Variants in CCNL1 observed in about 807,000 individuals in gnomAD.
CCNL1 encodes cyclin L1.
Under a neutral mutation model 60.6 loss-of-function variants are expected in CCNL1, and 13 were observed. The observed-to-expected ratio is 0.21, with a 90% CI of 0.14 to 0.34. The LOEUF is 0.34. CCNL1 is among the 10% of genes least tolerant of loss of function. The pLI is 1.00. For missense variants in CCNL1, 481 were observed against 664.3 expected (o/e 0.72, Z 3.03); for synonymous variants, 270 against 244.3 (o/e 1.10, Z -0.98).
chr3:157,144,335 G>A (rs1463185828), downstream of CCNL1, among the ~76,000 whole-genome samples: 1 of 152,212 alleles, frequency 6.6e-6, no homozygotes, highest in Non-Finnish European at 1.5e-5. Flanking sequence ...CTGAATATTT[G>A]AGTGCGTTCC....
Position 157,160,014 on chromosome 3 carries a change from G to A in CCNL1, c.81C>T (p.Ser27=), listed in dbSNP as rs1447542676. ...TGGTCGTCGTCGTGGTCGTCGTCCC[G>A]GAGCTGGAGCCGCCCGCGCTTGGGG... The part of the protein sequence containing the change: ...SAAPSAGGSS[S]GTTTTTTTTT... The change falls in exon 1 of 11, where the codon TCC becomes TCT. Residue 27 remains serine (S), a synonymous_variant. Transcript: ENST00000295926. 1.9e-6 allele frequency: 3 copies of A among 1,570,880 alleles called. No homozygotes were observed. Among genetic ancestry groups the A allele is most frequent in the Non-Finnish European group, 2.6e-6 (3 of 1,158,442 alleles).
intron 3 of CCNL1, among the ~76,000 whole-genome samples, chr3:157,158,364 T>C (rs546252127): frequency 4.6e-5 from 7 of 152,368 alleles, no homozygotes; most frequent in African/African-American, 1.7e-4. Flanking sequence ...TCCGGTATTA[T>C]TCGATTTATC....
downstream of CCNL1, among the ~76,000 whole-genome samples, chr3:157,146,876 G>A (rs1737803642): frequency 6.6e-6 from 1 of 152,180 alleles, no homozygotes; most frequent in African/African-American, 2.4e-5. Context: ...TTAGTTTCTG[G>A]TTAGTCTTTA....
At chr3:157,145,731 A>C (rs1479224645), downstream of CCNL1, among the ~76,000 whole-genome samples, 2 of 152,166 alleles carry the variant, frequency 1.3e-5, no homozygotes, top group Non-Finnish European at 2.9e-5. Flanking sequence ...AGACAAGTAA[A>C]AAAATTAAAC....
chr3:157,152,663 A>G (rs932435040), intron 4 of CCNL1: 4 of 1,079,284 alleles, frequency 3.7e-6, no homozygotes, highest in Admixed American at 5.1e-5. Context: ...TGAGCAGCCA[A>G]CACACTTAGA....
At chr3:157,151,109 A>T (rs1738157377) in intron 5 of CCNL1, 4 of 985,120 alleles carry the variant, frequency 4.1e-6, no homozygotes, top group Non-Finnish European at 4.8e-6. Context: ...ATTTCTTAAA[A>T]ATCCTAAACC....
intron 2 of CCNL1, 30 bp downstream of exon 2, chr3:157,159,375 A>G: frequency 1.2e-6 from 2 of 1,608,278 alleles, no homozygotes; most frequent in Non-Finnish European, 1.7e-6. Context: ...GGATGAAGAA[A>G]TCCCTTTTAC....
intron 8 of CCNL1, 95 bp downstream of exon 8, chr3:157,149,738 ACAT>A: frequency 6.7e-7 from 1 of 1,495,478 alleles, no homozygotes. Context: ...CAGTTTCCTA[ACAT>A]CATTTTTCTC....
At chr3:157,146,644 A>C (rs529846743), downstream of CCNL1, 20 of 390,682 alleles carry the variant, frequency 5.1e-5, no homozygotes, top group East Asian at 1.4e-3. Flanking sequence ...AAAAAAAATC[A>C]ACATTAATTT....
At chr3:157,158,703 A>G in intron 3 of CCNL1, 163 bp downstream of exon 3, 1 of 522,162 alleles carries the variant, frequency 1.9e-6, no homozygotes, top group Non-Finnish European at 3.4e-6. Context: ...CTTTTTTCAA[A>G]TTATTTTAAG....
chr3:157,151,373 C>T (rs1045996905), intron 5 of CCNL1: 25 of 985,742 alleles, frequency 2.5e-5, no homozygotes, highest in Non-Finnish European at 3.0e-5. Flanking sequence ...AATAAGCCAG[C>T]ACTCCAAATC....
At chr3:157,148,652 T>C (rs1481514987) in intron 10 of CCNL1, 63 bp from the exon 11 acceptor site, 2 of 1,444,852 alleles carry the variant, frequency 1.4e-6, no homozygotes, top group Non-Finnish European at 1.9e-6. Context: ...ATTCCGGTGG[T>C]TGCTCATAAC....
At chr3:157,151,690 C>T in intron 5 of CCNL1, 1 of 997,002 alleles carries the variant, frequency 1.0e-6, no homozygotes. Context: ...TTGATAGTTA[C>T]AAGTATACAT....
chr3:157,160,106 G>A lies in CCNL1; in HGVS notation c.-12C>T, dbSNP rs756394684. The A allele has an allele frequency of 1.3e-6, 2 of 1,536,100 alleles. No individual in the cohort carries two copies. The highest frequency in any genetic ancestry group is 1.2e-5 in the South Asian group (1 of 84,074). Reference sequence around the variant, plus strand: ...GGCCCGGACGCCATAGTCTTAGCGAGCCGCACGCAAGCCCAACGCAGCCGG... The same window carrying A: ...GGCCCGGACGCCATAGTCTTAGCGAACCGCACGCAAGCCCAACGCAGCCGG... On this transcript the variant is annotated 5_prime_UTR_variant, in exon 1 of 11. Transcript: ENST00000295926.
chr3:157,159,950 C>G lies in CCNL1; in HGVS notation c.145G>C (p.Glu49Gln). The change falls in exon 1 of 11, where the codon GAA becomes CAA. Residue 49 changes from glutamate (E) to glutamine (Q), a missense_variant. By Grantham distance (29) the Glu-to-Gln change is conservative (BLOSUM62 2). This residue lies in a region of CCNL1 where 130 missense variants were observed against 174.5 expected (regional missense o/e 0.75). Coordinates refer to ENST00000295926, the MANE Select transcript of CCNL1 (RefSeq NM_020307.4). Reference protein sequence around the residue: ...GILIGDRLYSEVSLTIDHSLI... With the variant: ...GILIGDRLYSQVSLTIDHSLI... ...GAGTGGTCGATGGTAAGTGAAACTT[C>G]CGAGTACAGGCGATCGCCGATCAGG... 6.2e-7 allele frequency: 1 copy of G among 1,602,662 alleles called. No homozygotes were observed. Among genetic ancestry groups the G allele is most frequent in the South Asian group, 1.1e-5 (1 of 89,178 alleles).
Position 157,149,479 on chromosome 3 carries a change from A to T in CCNL1, c.1133+6T>A. On this transcript the variant is annotated splice_donor_region_variant and intron_variant, in intron 9 of 10. Transcript: ENST00000295926. ...CAAGCCAGTTTTCCAGCCCAAGTAT[A>T]CTCACCCATTGTAAGGGCTTTTGGA... 1 of 1,612,566 alleles carries T rather than the reference A, an allele frequency of 6.2e-7. No homozygotes were observed. The highest frequency in any genetic ancestry group is 1.3e-5 in the African/African-American group (1 of 74,942).
intron 10 of CCNL1, 97 bp from the exon 11 acceptor site, chr3:157,148,686 T>G: frequency 9.3e-7 from 1 of 1,073,266 alleles, no homozygotes; most frequent in Non-Finnish European, 1.3e-6. Context: ...AACTACCAGC[T>G]ACATAAATGA....
chr3:157,152,476 A>G, intron 4 of CCNL1: 3 of 1,215,062 alleles, frequency 2.5e-6, no homozygotes, highest in Non-Finnish European at 3.1e-6. Flanking sequence ...AATTAAAAGA[A>G]TATTTTTCAT....
downstream of CCNL1, chr3:157,147,406 CG>C (rs1737822331): frequency 5.0e-6 from 1 of 198,644 alleles, no homozygotes; most frequent in African/African-American, 2.4e-5. Flanking sequence ...ACGTAAAAAT[CG>C]TAACATTAAA....
Sources: allele counts gnomAD v4.1 joint callset (sites outside exome capture counted in the v4.1 genomes callset), GRCh38; gene constraint gnomAD v4.1.1; regional missense constraint gnomAD v4.1.1; transcripts MANE v1.5; gene names NCBI Gene and HGNC (gene_info 2026-07-23, HGNC 2026-07-21).